Variants in RBFOX1 observed in about 807,000 individuals in gnomAD.
The protein encoded by RBFOX1 is RNA binding fox-1 homolog 1, also known as RNA binding protein fox-1 homolog 1.
In RBFOX1, 8 loss-of-function variants were observed where a neutral mutation model predicts 57.7. That is an observed-to-expected ratio of 0.14 (90% CI 0.08 to 0.25). The LOEUF (loss-of-function observed/expected upper bound fraction) is 0.25. Ranked by LOEUF, RBFOX1 falls within the 10% of genes least tolerant of loss-of-function variation. The probability of loss-of-function intolerance (pLI) is 1.00; values close to 1 mark genes in which losing one functional copy is unlikely to be tolerated. For synonymous variants in RBFOX1, 326 were observed against 222.4 expected (o/e 1.47, Z -4.15); for missense variants, 611 against 548.5 (o/e 1.11, Z -1.14).
intron 3 of RBFOX1, among the ~76,000 whole-genome samples, chr16:5,825,604 G>C (rs947418956): frequency 3.9e-5 from 6 of 152,146 alleles, no homozygotes; most frequent in Admixed American, 2.0e-4. Flanking sequence ...CCAATTTAAA[G>C]TGTACAATGT....
intron 4 of RBFOX1, among the ~76,000 whole-genome samples, chr16:7,327,032 T>G (rs2096620491): frequency 6.6e-6 from 1 of 152,166 alleles, no homozygotes; most frequent in Non-Finnish European, 1.5e-5. Context: ...GTGATCACTA[T>G]TAAAAGAGTC....
At chr16:5,338,507 G>T (rs2064954558) in intron 1 of RBFOX1, among the ~76,000 whole-genome samples, 1 of 152,276 alleles carries the variant, frequency 6.6e-6, no homozygotes, top group East Asian at 1.9e-4. Flanking sequence ...AGATCCTGAA[G>T]GTAACCTTCT....
intron 3 of RBFOX1, among the ~76,000 whole-genome samples, chr16:6,761,381 G>C (rs572240348): frequency 1.3e-5 from 2 of 151,390 alleles, no homozygotes; most frequent in African/African-American, 2.4e-5. Context: ...TTTAGTCTTT[G>C]CATCTCTTAT....
At chr16:7,440,327 T>C (rs2098756526) in intron 4 of RBFOX1, among the ~76,000 whole-genome samples, 1 of 152,056 alleles carries the variant, frequency 6.6e-6, no homozygotes, top group Admixed American at 6.5e-5. Context: ...ACTAACACTG[T>C]GAAAAAACAA....
intron 4 of RBFOX1, among the ~76,000 whole-genome samples, chr16:7,274,528 C>T (rs1474741593): frequency 6.6e-6 from 1 of 152,128 alleles, no homozygotes; most frequent in African/African-American, 2.4e-5. Context: ...TGGGACTTCT[C>T]TGCTCTGTAC....
chr16:5,302,747 C>G (rs1056487296), intron 1 of RBFOX1, among the ~76,000 whole-genome samples: 1 of 152,202 alleles, frequency 6.6e-6, no homozygotes, highest in Admixed American at 6.5e-5. Flanking sequence ...GCCAAACCAG[C>G]TCTCTAACAC....
Position 6,152,666 on chromosome 16 carries a change from T to C in RBFOX1, c.-127+132674T>C, listed in dbSNP as rs532252250. On this transcript the variant is annotated intron_variant, in intron 1 of 15. Transcript: ENST00000550418. Reference sequence around the variant, plus strand: ...TTGAAAATTGCTAAGCAATGTATGCTATCTATGGCTTTCGTACCTTCAAAT... The same window carrying C: ...TTGAAAATTGCTAAGCAATGTATGCCATCTATGGCTTTCGTACCTTCAAAT... Among the ~76,000 whole-genome samples the C allele has an allele frequency of 4.0e-4, 60 of 148,914 alleles. 1 individual carries two copies. The highest frequency in any genetic ancestry group is 1.4e-3 in the African/African-American group (58 of 40,250).
chr16:6,291,935 C>G (rs1386164553), intron 1 of RBFOX1, among the ~76,000 whole-genome samples: 1 of 150,474 alleles, frequency 6.6e-6, no homozygotes, highest in East Asian at 1.9e-4. Context: ...GTTATAGACT[C>G]TGTGTTGGAA....
At chr16:5,493,654 T>G (rs1006945753) in intron 2 of RBFOX1, among the ~76,000 whole-genome samples, 2 of 152,200 alleles carry the variant, frequency 1.3e-5, no homozygotes, top group Admixed American at 1.3e-4. Context: ...CTGTCAAGAT[T>G]GATGGAGTAG....
At chr16:5,980,995 G>T (rs2060161466) in intron 4 of RBFOX1, among the ~76,000 whole-genome samples, 1 of 152,180 alleles carries the variant, frequency 6.6e-6, no homozygotes. Context: ...CAGACCCACA[G>T]CCTGCCTCCC....
chr16:6,912,603 T>TG lies in RBFOX1; in HGVS notation c.-15-139454_-15-139453insG, dbSNP rs1336858737. On this transcript the variant is annotated intron_variant, in intron 3 of 15. Transcript: ENST00000550418. ...TTTCTTGCTTTCTTGCTTTCTTTTCTTGTGTGTGTGTGTTATTACTATTTT... is the reference window on the plus strand; with the variant it reads ...TTTCTTGCTTTCTTGCTTTCTTTTCTGTGTGTGTGTGTGTTATTACTATTTT... Among the ~76,000 whole-genome samples, 309 of 151,104 alleles carry TG rather than the reference T, an allele frequency of 2.0e-3. 1 individual carries two copies. The highest frequency in any genetic ancestry group is 0.01 in the Middle Eastern group (3 of 290).
intron 2 of RBFOX1, among the ~76,000 whole-genome samples, chr16:6,607,687 G>T (rs1156894600): frequency 6.6e-6 from 1 of 151,752 alleles, no homozygotes; most frequent in African/African-American, 2.4e-5. Context: ...CTGCCTATGT[G>T]GGCATGTGAG....
intron 1 of RBFOX1, among the ~76,000 whole-genome samples, chr16:5,335,421 A>G (rs1284964616): frequency 6.6e-6 from 1 of 152,226 alleles, no homozygotes; most frequent in Admixed American, 6.5e-5. Context: ...TCCCGTCATC[A>G]GCGGGACTGG....
intron 4 of RBFOX1, among the ~76,000 whole-genome samples, chr16:5,998,242 C>T (rs182343873): frequency 9.2e-5 from 14 of 152,244 alleles, no homozygotes; most frequent in African/African-American, 3.4e-4. Flanking sequence ...AAGGTTTATC[C>T]TGGATCTCTC....
intron 14 of RBFOX1, among the ~76,000 whole-genome samples, chr16:7,684,681 A>G (rs1277080859): frequency 6.6e-6 from 1 of 151,612 alleles, no homozygotes; most frequent in East Asian, 1.9e-4. Flanking sequence ...CTTGCCTTTC[A>G]TGGTTTCAAT....
intron 2 of RBFOX1, among the ~76,000 whole-genome samples, chr16:6,610,233 T>G (rs1265267209): frequency 6.6e-6 from 1 of 152,242 alleles, no homozygotes; most frequent in East Asian, 1.9e-4. Flanking sequence ...TTCCACTGTT[T>G]GTTTTTAAAT....
At chr16:6,622,438 G>A (rs2098246611) in intron 2 of RBFOX1, among the ~76,000 whole-genome samples, 1 of 152,168 alleles carries the variant, frequency 6.6e-6, no homozygotes, top group South Asian at 2.1e-4. Flanking sequence ...AAGCTGTACA[G>A]GCTTGTAGTC....
At chr16:7,144,344 G>C (rs967867182) in intron 4 of RBFOX1, among the ~76,000 whole-genome samples, 1 of 150,896 alleles carries the variant, frequency 6.6e-6, no homozygotes, top group African/African-American at 2.4e-5. Context: ...CACACTTTCT[G>C]GTACCCATCC....
chr16:7,454,393 A>G (rs1325268669), intron 4 of RBFOX1, among the ~76,000 whole-genome samples: 3 of 151,824 alleles, frequency 2.0e-5, no homozygotes, highest in East Asian at 3.8e-4. Flanking sequence ...GTACCATATC[A>G]AAGGCAGATT....
Sources: allele counts gnomAD v4.1 joint callset (sites outside exome capture counted in the v4.1 genomes callset), GRCh38; gene constraint gnomAD v4.1.1; transcripts MANE v1.5; gene names NCBI Gene and HGNC (gene_info 2026-07-23, HGNC 2026-07-21).